The following CNIH3 variants were observed in gnomAD, a reference collection of about 807,000 sequenced individuals.
CNIH3 encodes cornichon family AMPA receptor auxiliary protein 3.
A neutral mutation model predicts 24.1 loss-of-function variants in CNIH3; 14 were observed. The ratio of observed to expected loss-of-function variants is 0.58; its 90% confidence interval spans 0.38 to 0.91. The LOEUF is 0.91. Among genes scored for constraint, CNIH3 ranks in the 40% least tolerant of loss-of-function variants. The pLI is 0.00. For synonymous variants in CNIH3, 68 were observed against 73.8 expected (o/e 0.92, Z 0.40); for missense variants, 178 against 196.8 (o/e 0.90, Z 0.57).
At chr1:224,548,930 T>A (rs1246488692) in intron 3 of CNIH3, among the ~76,000 whole-genome samples, 1 of 151,668 alleles carries the variant, frequency 6.6e-6, no homozygotes, top group East Asian at 1.9e-4. Flanking sequence ...TGCTTGTACA[T>A]TCTAGGACAT....
intron 3 of CNIH3, chr1:224,566,065 A>T (rs1680569723): frequency 6.6e-6 from 1 of 151,094 alleles, no homozygotes; most frequent in African/African-American, 2.4e-5. Context: ...CATTGCTTTA[A>T]TTAACTTAGA....
At chr1:224,720,452 G>T (rs996598509) in intron 3 of CNIH3, among the ~76,000 whole-genome samples, 1 of 152,096 alleles carries the variant, frequency 6.6e-6, no homozygotes, top group Non-Finnish European at 1.5e-5. Context: ...AGCAGGCAGT[G>T]GAAGTGGGGA....
chr1:224,438,746 T>C (rs1403695718), intron 1 of CNIH3, among the ~76,000 whole-genome samples: 1 of 152,170 alleles, frequency 6.6e-6, no homozygotes, highest in African/African-American at 2.4e-5. Context: ...GTTGGTCAGC[T>C]GATTGACTCT....
chr1:224,560,153 A>G (rs1680304683), intron 3 of CNIH3, among the ~76,000 whole-genome samples: 1 of 152,170 alleles, frequency 6.6e-6, no homozygotes, highest in Non-Finnish European at 1.5e-5. Flanking sequence ...TATTAATAAT[A>G]GTGAGTAATG....
At chr1:224,612,806 C>G (rs1481873735), upstream of CNIH3, among the ~76,000 whole-genome samples, 2 of 151,838 alleles carry the variant, frequency 1.3e-5, no homozygotes, top group African/African-American at 2.4e-5. This position sits in a 1 kb window ranked among gnomAD's most constrained non-coding sequence, Gnocchi z 4.7. Flanking sequence ...AACAAAAGAT[C>G]AGAGAGGTCC....
chr1:224,550,190 A>G (rs542667575), intron 3 of CNIH3, among the ~76,000 whole-genome samples: 2 of 152,322 alleles, frequency 1.3e-5, no homozygotes, highest in East Asian at 3.9e-4. Flanking sequence ...CAGAGCAATG[A>G]TATTACGTTA....
intron 4 of CNIH3, among the ~76,000 whole-genome samples, chr1:224,566,540 A>G (rs1407048398): frequency 6.6e-6 from 1 of 151,558 alleles, no homozygotes; most frequent in Non-Finnish European, 1.5e-5. Flanking sequence ...CCCCTGACAG[A>G]CCCTGGTGTG....
chr1:224,515,799 TTGTGGGATGCCCAC>T (rs1678356666), upstream of CNIH3: 1 of 152,204 alleles, frequency 6.6e-6, no homozygotes. Flanking sequence ...GCCGTCCACG[TTGTGGGATGCCCAC>T]TGTTCCCCCA....
intron 1 of CNIH3, among the ~76,000 whole-genome samples, chr1:224,439,447 T>C (rs545463864): frequency 6.6e-6 from 1 of 152,060 alleles, no homozygotes; most frequent in Admixed American, 6.5e-5. Flanking sequence ...GGAACTGAAA[T>C]GAACCATAGA....
intron 3 of CNIH3, among the ~76,000 whole-genome samples, chr1:224,596,312 A>C (rs766244788): frequency 6.6e-6 from 1 of 152,256 alleles, no homozygotes; most frequent in Non-Finnish European, 1.5e-5. Context: ...TAAGTGGAAC[A>C]ACAAAGCCTG....
At chr1:224,677,933 T>C (rs1163812049) in intron 1 of CNIH3, among the ~76,000 whole-genome samples, 1 of 152,200 alleles carries the variant, frequency 6.6e-6, no homozygotes, top group African/African-American at 2.4e-5. Context: ...TATCAAAATA[T>C]AGTAAACCGT....
At chr1:224,538,665 T>TCTC (rs1176788861), downstream of CNIH3, among the ~76,000 whole-genome samples, 5 of 143,368 alleles carry the variant, frequency 3.5e-5, no homozygotes, top group African/African-American at 1.3e-4. Flanking sequence ...CTCTCTCTCT[T>TCTC]TTTTTTTTTT....
At chr1:224,512,764 A>T (rs1164014159), upstream of CNIH3, among the ~76,000 whole-genome samples, 1 of 151,574 alleles carries the variant, frequency 6.6e-6, no homozygotes, top group Non-Finnish European at 1.5e-5. Context: ...GGCTATTGTC[A>T]TGGGTACGTG....
rs1424081012 is a variant in CNIH3, at chr1:224,703,141, C to A, written c.198+18298C>A. Among the ~76,000 whole-genome samples, 1 of 152,180 alleles carries A rather than the reference C, an allele frequency of 6.6e-6. No homozygotes were observed. Among genetic ancestry groups the A allele is most frequent in the Non-Finnish European group, 1.5e-5 (1 of 68,040 alleles). ...ACACTTCTGACCTCTCAAGGTCCAT[C>A]TGTCCTGGCTGGTCAAAACCTTTTT... On this transcript the variant is annotated intron_variant, in intron 3 of 5. Transcript: ENST00000272133. The surrounding 1 kb of genome is among the most constrained non-coding windows in gnomAD (Gnocchi z 4.2).
intron 3 of CNIH3, among the ~76,000 whole-genome samples, chr1:224,712,318 A>C (rs1201597536): frequency 6.6e-6 from 1 of 152,116 alleles, no homozygotes; most frequent in Non-Finnish European, 1.5e-5. Flanking sequence ...CTACGAAGGG[A>C]TTCTGATGTG....
At chr1:224,619,934 T>C (rs1683201749) in intron 1 of CNIH3, among the ~76,000 whole-genome samples, 1 of 152,250 alleles carries the variant, frequency 6.6e-6, no homozygotes, top group Non-Finnish European at 1.5e-5. Flanking sequence ...ATGTATTGGG[T>C]GTCTGCTGTA....
intron 3 of CNIH3, among the ~76,000 whole-genome samples, chr1:224,723,893 G>A (rs1487800054): frequency 1.3e-4 from 20 of 152,108 alleles, no homozygotes; most frequent in Admixed American, 1.3e-3. Context: ...AAATCAGTAG[G>A]TGTCATATTA....
intron 3 of CNIH3, among the ~76,000 whole-genome samples, chr1:224,713,889 C>T (rs1296427516): frequency 3.9e-5 from 6 of 152,166 alleles, no homozygotes; most frequent in African/African-American, 9.7e-5. Context: ...AATCACAGCT[C>T]ACTGCAGCCT....
intron 4 of CNIH3, among the ~76,000 whole-genome samples, chr1:224,572,722 T>C (rs923900426): frequency 6.6e-5 from 10 of 152,212 alleles, no homozygotes; most frequent in African/African-American, 2.4e-4. Context: ...TGGGTAGTCT[T>C]GTCATCTTAA....
Sources: gnomAD v4.1 joint callset for allele counts (sites outside exome capture counted in the v4.1 genomes callset) on GRCh38, gnomAD v4.1.1 for gene constraint, Gnocchi (gnomAD v3.1) non-coding constraint, MANE v1.5 for transcripts, NCBI Gene and HGNC (gene_info 2026-07-23, HGNC 2026-07-21) for gene names.